Variants in DOCK3 observed in about 807,000 individuals in gnomAD.
The protein encoded by DOCK3 is dedicator of cytokinesis 3.
A neutral mutation model predicts 265.6 loss-of-function variants in DOCK3; 60 were observed. That is an observed-to-expected ratio of 0.23 (90% CI 0.18 to 0.28). The LOEUF is 0.28. Among genes scored for constraint, DOCK3 ranks in the 10% least tolerant of loss-of-function variants. The pLI, the probability that DOCK3 is intolerant of heterozygous loss-of-function variation, is 1.00. For missense variants in DOCK3, 1,981 were observed against 2,594.3 expected (o/e 0.76, Z 5.14); for synonymous variants, 881 against 938.0 (o/e 0.94, Z 1.11).
At chr3:51,222,437 T>G (rs1308395372) in intron 14 of DOCK3, among the ~76,000 whole-genome samples, 1 of 152,208 alleles carries the variant, frequency 6.6e-6, no homozygotes, top group Admixed American at 6.5e-5. Context: ...CTGCTTATGC[T>G]TTCTCCTAGT....
At chr3:50,908,076 T>C (rs563046964) in intron 4 of DOCK3, among the ~76,000 whole-genome samples, 4 of 152,132 alleles carry the variant, frequency 2.6e-5, no homozygotes, top group Admixed American at 2.6e-4. Context: ...ATCCCTGTTA[T>C]CATTAATAAT....
At chr3:50,895,619 A>G (rs1343571851) in intron 4 of DOCK3, among the ~76,000 whole-genome samples, 1 of 152,008 alleles carries the variant, frequency 6.6e-6, no homozygotes, top group Non-Finnish European at 1.5e-5. Flanking sequence ...GCACCCATCA[A>G]CCCGTCATCA....
rs1364480527 is a variant in DOCK3, at chr3:50,731,170, G to T, written c.38-47505G>T. ...AAAGTTCCTTTTAAACATAGATGTA[G>T]AATCCCCTTAATATTAACAATTTAA... On this transcript the variant is annotated intron_variant, in intron 1 of 52. Coordinates refer to ENST00000266037, the MANE Select transcript of DOCK3 (RefSeq NM_004947.5). 3.3e-5 allele frequency among the ~76,000 whole-genome samples: 5 copies of T among 151,022 alleles called. No individual in the cohort carries two copies. The East Asian group carries it at 9.7e-4, about 29-fold the overall frequency.
chr3:51,197,811 G>A (rs747508235), intron 12 of DOCK3, among the ~76,000 whole-genome samples: 13 of 152,142 alleles, frequency 8.5e-5, no homozygotes, highest in African/African-American at 1.2e-4. Flanking sequence ...CTGGGCCAGC[G>A]GGTGGGAATG....
chr3:50,915,906 A>G (rs533350228), intron 4 of DOCK3, among the ~76,000 whole-genome samples: 6 of 151,860 alleles, frequency 4.0e-5, no homozygotes, highest in African/African-American at 1.2e-4. Context: ...GCTTGTTTCT[A>G]TGGGGAGGGG....
rs146914568 is a variant in DOCK3, at chr3:50,883,232, G to A, written c.163-6794G>A. Among the ~76,000 whole-genome samples, 548 of 151,852 alleles carry A rather than the reference G, an allele frequency of 3.6e-3. 6 individuals are homozygous for A. Among genetic ancestry groups the A allele is most frequent in the African/African-American group, 0.013 (520 of 41,376 alleles). ...GTATACATATGTAACAAACCTGCAC[G>A]TTGTGCACATGTACCCTAGAACTTG... On this transcript the variant is annotated intron_variant, in intron 3 of 52. Coordinates refer to ENST00000266037, the MANE Select transcript of DOCK3 (RefSeq NM_004947.5).
chr3:51,253,223 T>G (rs2079357662), intron 22 of DOCK3, among the ~76,000 whole-genome samples: 1 of 152,194 alleles, frequency 6.6e-6, no homozygotes, highest in African/African-American at 2.4e-5. Context: ...CCACTTGATC[T>G]TGGCAGATAA....
intron 4 of DOCK3, among the ~76,000 whole-genome samples, chr3:50,891,635 G>A (rs1293640420): frequency 2.1e-5 from 3 of 143,836 alleles, no homozygotes; most frequent in African/African-American, 8.1e-5. Flanking sequence ...TTTTCTGAAT[G>A]TGAATGGCTT....
chr3:51,121,803 A>G (rs904169500), intron 9 of DOCK3, among the ~76,000 whole-genome samples: 4 of 152,110 alleles, frequency 2.6e-5, no homozygotes, highest in Admixed American at 2.6e-4. Flanking sequence ...TTCAGTCCCT[A>G]AATCAGCTGA....
chr3:51,224,758 C>T (rs75051427), intron 14 of DOCK3, among the ~76,000 whole-genome samples: 2 of 151,912 alleles, frequency 1.3e-5, no homozygotes, highest in African/African-American at 4.8e-5. Flanking sequence ...AAGTCAGAAG[C>T]CCTTCTTTAG....
At chr3:51,378,091 A>G (rs1457132623) in intron 51 of DOCK3, among the ~76,000 whole-genome samples, 5 of 152,120 alleles carry the variant, frequency 3.3e-5, no homozygotes, top group African/African-American at 7.2e-5. Flanking sequence ...TAAGGAGGCT[A>G]TTTGGTGAAA....
chr3:51,297,089 G>C (rs1171753263), intron 27 of DOCK3, among the ~76,000 whole-genome samples: 5 of 129,166 alleles, frequency 3.9e-5, no homozygotes, highest in African/African-American at 1.5e-4. Context: ...CTGCACTCCA[G>C]CCTGGGGGAT....
At chr3:50,778,926 A>G (rs890038076) in intron 2 of DOCK3, among the ~76,000 whole-genome samples, 168 bp downstream of exon 2, 2 of 152,204 alleles carry the variant, frequency 1.3e-5, no homozygotes, top group Non-Finnish European at 2.9e-5. Flanking sequence ...GCATAAAGGT[A>G]TGAGCTTTTT....
At chr3:51,311,240 A>C (rs2083052542) in intron 28 of DOCK3, among the ~76,000 whole-genome samples, 1 of 152,076 alleles carries the variant, frequency 6.6e-6, no homozygotes, top group African/African-American at 2.4e-5. Flanking sequence ...CACCCCCTCT[A>C]GTGGTGGACT....
chr3:51,007,351 G>T (rs554117663), intron 5 of DOCK3, among the ~76,000 whole-genome samples: 2 of 152,298 alleles, frequency 1.3e-5, no homozygotes, highest in East Asian at 3.9e-4. Flanking sequence ...TTGTGGTTTT[G>T]ATTTGCATTT....
At chr3:51,105,084 A>T (rs1474709174) in intron 9 of DOCK3, among the ~76,000 whole-genome samples, 1 of 152,242 alleles carries the variant, frequency 6.6e-6, no homozygotes, top group Non-Finnish European at 1.5e-5. Context: ...GAGAGTGTGA[A>T]TAAAGACTTG....
intron 1 of DOCK3, among the ~76,000 whole-genome samples, chr3:50,776,508 A>G (rs992332291): frequency 6.7e-6 from 1 of 149,492 alleles, no homozygotes; most frequent in Admixed American, 6.6e-5. Flanking sequence ...GTTTGCAGAT[A>G]TTTTCTTTGT....
chr3:51,380,936 T>C, intron 52 of DOCK3, 114 bp from the exon 53 acceptor site: 1 of 1,312,260 alleles, frequency 7.6e-7, no homozygotes, highest in Non-Finnish European at 1.0e-6. Context: ...ACAAGAAACA[T>C]GCTGTTGATG....
chr3:51,374,380 CCT>C lies in DOCK3; in HGVS notation c.5294-88_5294-87del. 1 of 1,226,724 alleles carries C rather than the reference CCT, an allele frequency of 8.2e-7. No individual in the cohort carries two copies. Among genetic ancestry groups the C allele is most frequent in the Non-Finnish European group, 1.2e-6 (1 of 852,994 alleles). The allele number at this position is 1,226,724 out of a possible 1,614,324, so 76.0% of individuals were successfully genotyped here. The stretch of plus-strand genomic sequence containing the variant: ...CACCCTAACTGTAAGGGACACCTAC[CCT>C]GGTTCCCTAGTCCTGAGGATGCTTG... On this transcript the variant is annotated intron_variant, in intron 49 of 52. Transcript: ENST00000266037. This position sits in a 1 kb window ranked among gnomAD's most constrained non-coding sequence, Gnocchi z 4.8.
Sources: gnomAD v4.1 joint callset for allele counts (sites outside exome capture counted in the v4.1 genomes callset) on GRCh38, gnomAD v4.1.1 for gene constraint, Gnocchi (gnomAD v3.1) non-coding constraint, MANE v1.5 for transcripts, NCBI Gene and HGNC (gene_info 2026-07-23, HGNC 2026-07-21) for gene names.